SLC16A10: variants seen among roughly 807,000 people sequenced by gnomAD.
SLC16A10 encodes solute carrier family 16 member 10.
A neutral mutation model predicts 40.0 loss-of-function variants in SLC16A10; 27 were observed. The observed-to-expected ratio is 0.67, with a 90% CI of 0.50 to 0.93. SLC16A10 has a LOEUF of 0.93. Among genes scored for constraint, SLC16A10 ranks in the 40% least tolerant of loss-of-function variants. The probability of loss-of-function intolerance (pLI) is 0.00; values close to 1 mark genes in which losing one functional copy is unlikely to be tolerated. For missense variants in SLC16A10, 529 were observed against 658.2 expected (o/e 0.80, Z 2.15); for synonymous variants, 213 against 249.8 (o/e 0.85, Z 1.39).
At chr6:111,134,506 G>A (rs1020916034) in intron 1 of SLC16A10, among the ~76,000 whole-genome samples, 1 of 151,964 alleles carries the variant, frequency 6.6e-6, no homozygotes, top group African/African-American at 2.4e-5. Flanking sequence ...TGGCAACCTC[G>A]GTTTTTTATA....
intron 1 of SLC16A10, among the ~76,000 whole-genome samples, chr6:111,140,083 A>C (rs563300858): frequency 1.1e-4 from 16 of 152,328 alleles, no homozygotes; most frequent in African/African-American, 3.9e-4. Flanking sequence ...ACAATGTAAT[A>C]ATATGTACAA....
At chr6:111,113,515 A>G (rs1317085761) in intron 1 of SLC16A10, among the ~76,000 whole-genome samples, 1 of 152,178 alleles carries the variant, frequency 6.6e-6, no homozygotes, top group African/African-American at 2.4e-5. Flanking sequence ...CTCAAGCTAA[A>G]ACTGGGGTTT....
intron 1 of SLC16A10, among the ~76,000 whole-genome samples, chr6:111,144,250 C>G (rs1772035740): frequency 6.6e-6 from 1 of 152,182 alleles, no homozygotes; most frequent in Admixed American, 6.5e-5. Flanking sequence ...GTCCCCCAGG[C>G]TGGAGTGCAG....
intron 3 of SLC16A10, among the ~76,000 whole-genome samples, chr6:111,192,220 A>T (rs1474783821): frequency 6.6e-6 from 1 of 151,942 alleles, no homozygotes; most frequent in Non-Finnish European, 1.5e-5. Context: ...CTGCTTAGAA[A>T]TTTTTTCCAC....
Position 111,229,499 on chromosome 6 carries a change from G to C in SLC16A10, c.*7264G>C, listed in dbSNP as rs908235199. 6.6e-6 allele frequency: 1 copy of C among 152,138 alleles called. No homozygotes were observed. Among genetic ancestry groups the C allele is most frequent in the African/African-American group, 2.4e-5 (1 of 41,436 alleles). The allele number at this position is 152,138 out of a possible 1,614,324, so 9.4% of individuals were successfully genotyped here. A position where few individuals can be genotyped will look rare whatever the true frequency, so the allele number is the denominator to read the frequency against. The stretch of plus-strand genomic sequence containing the variant: ...TGTAACTTTGAGGCAATGTGAAAAA[G>C]TTATATATAATAGCTTCCTATTGAG... On this transcript the variant is annotated 3_prime_UTR_variant, in exon 6 of 6. Transcript: ENST00000368851.
chr6:111,121,321 G>A (rs111585749), intron 1 of SLC16A10, among the ~76,000 whole-genome samples: 84 of 152,338 alleles, frequency 5.5e-4, no homozygotes, highest in Non-Finnish European at 1.2e-3. Context: ...CGGCACTTTG[G>A]GGGGCTGAGT....
intron 1 of SLC16A10, among the ~76,000 whole-genome samples, chr6:111,169,346 A>T (rs182506980): frequency 6.6e-6 from 1 of 152,246 alleles, no homozygotes; most frequent in African/African-American, 2.4e-5. Context: ...ATCCAAGTCA[A>T]TGGTGCTATG....
intron 1 of SLC16A10, among the ~76,000 whole-genome samples, chr6:111,144,149 A>T (rs1230496799): frequency 6.6e-6 from 1 of 150,442 alleles, no homozygotes; most frequent in African/African-American, 2.5e-5. Context: ...AACTGCTCTT[A>T]AAAAAAAAGG....
At chr6:111,201,728 C>T (rs1284435758) in intron 3 of SLC16A10, among the ~76,000 whole-genome samples, 1 of 152,178 alleles carries the variant, frequency 6.6e-6, no homozygotes, top group African/African-American at 2.4e-5. Flanking sequence ...AATTATTGGA[C>T]CTTTTTGATT....
chr6:111,207,982 T>G (rs1773282893), intron 4 of SLC16A10, among the ~76,000 whole-genome samples: 1 of 151,842 alleles, frequency 6.6e-6, no homozygotes, highest in Non-Finnish European at 1.5e-5. Context: ...GTTTTTTGGT[T>G]TTTTGAGGCA....
Position 111,172,735 on chromosome 6 carries a change from C to T in SLC16A10, c.384C>T (p.Cys128=), listed in dbSNP as rs142071847. Residue 128 remains cysteine (C), a synonymous_variant, in exon 2 of 6, where the codon TGC becomes TGT. Coordinates refer to ENST00000368851, the MANE Select transcript of SLC16A10 (RefSeq NM_018593.5). ...TCTCCATGGGGATGATTTTCTTTTG[C>T]TGCCCAATAGTCAGCGTCTTCACAG... is the stretch of plus-strand genomic sequence containing the variant. ...GSLSMGMIFF[C]CPIVSVFTDL... 133 of 1,613,880 alleles carry T rather than the reference C, an allele frequency of 8.2e-5. No individual in the cohort carries two copies. Among genetic ancestry groups the T allele is most frequent in the East Asian group, 6.2e-4 (28 of 44,888 alleles).
At chr6:111,100,992 C>CTCTCTCTCTCTA (rs1410556945) in intron 1 of SLC16A10, among the ~76,000 whole-genome samples, 4 of 66,426 alleles carry the variant, frequency 6.0e-5, no homozygotes, top group African/African-American at 1.9e-4. Flanking sequence ...CTCTCTCTCT[C>CTCTCTCTCTCTA]TATATATATA....
intron 1 of SLC16A10, among the ~76,000 whole-genome samples, chr6:111,115,483 A>G (rs535160422): frequency 6.6e-6 from 1 of 152,378 alleles, no homozygotes; most frequent in African/African-American, 2.4e-5. Context: ...TGTTGGGATT[A>G]CAGGCGTGAG....
chr6:111,107,406 T>C (rs557739736), intron 1 of SLC16A10, among the ~76,000 whole-genome samples: 1 of 152,278 alleles, frequency 6.6e-6, no homozygotes, highest in South Asian at 2.1e-4. Flanking sequence ...GGTGAAATCA[T>C]TGATGCTTTA....
chr6:111,091,604 G>C (rs1252837532), intron 1 of SLC16A10, among the ~76,000 whole-genome samples: 1 of 152,196 alleles, frequency 6.6e-6, no homozygotes, highest in Non-Finnish European at 1.5e-5. Context: ...TCAAGCAAAA[G>C]TCTGGGGTTT....
intron 1 of SLC16A10, among the ~76,000 whole-genome samples, chr6:111,101,502 T>G (rs1271246805): frequency 6.6e-6 from 1 of 152,048 alleles, no homozygotes; most frequent in Non-Finnish European, 1.5e-5. Flanking sequence ...GATAAGTGAG[T>G]TAAATAGAGA....
intron 3 of SLC16A10, among the ~76,000 whole-genome samples, chr6:111,191,761 T>C (rs182273532): frequency 6.6e-6 from 1 of 152,376 alleles, no homozygotes; most frequent in Admixed American, 6.5e-5. Context: ...TGCATTTCTC[T>C]AATGACCAGT....
chr6:111,111,493 G>A (rs564223760), intron 1 of SLC16A10, among the ~76,000 whole-genome samples: 7 of 152,138 alleles, frequency 4.6e-5, no homozygotes, highest in African/African-American at 1.7e-4. Flanking sequence ...GGGCAAGGCG[G>A]GAGGATTGAT....
chr6:111,174,623 T>A (rs1208719721), intron 2 of SLC16A10, among the ~76,000 whole-genome samples: 1 of 152,202 alleles, frequency 6.6e-6, no homozygotes, highest in Non-Finnish European at 1.5e-5. Context: ...AGCAACATAA[T>A]ATTTACATTA....
Sources: allele counts gnomAD v4.1 joint callset (sites outside exome capture counted in the v4.1 genomes callset), GRCh38; gene constraint gnomAD v4.1.1; transcripts MANE v1.5; gene names NCBI Gene and HGNC (gene_info 2026-07-23, HGNC 2026-07-21).